RARG: variants seen among roughly 807,000 people sequenced by gnomAD.
RARG encodes the protein retinoic acid receptor gamma.
A neutral mutation model predicts 43.7 loss-of-function variants in RARG; 17 were observed. The ratio of observed to expected loss-of-function variants is 0.39; its 90% CI spans 0.27 to 0.58. RARG has a LOEUF of 0.58. Among genes scored for constraint, RARG ranks in the 20% least tolerant of loss-of-function variants. The probability of loss-of-function intolerance (pLI) is 0.57; values close to 1 mark genes in which losing one functional copy is unlikely to be tolerated. For synonymous variants in RARG, 238 were observed against 236.4 expected, an observed-to-expected ratio of 1.01 and a Z score of -0.06; for missense variants, 346 against 598.7, an observed-to-expected ratio of 0.58 and a Z score of 4.40.
At position 53,213,602 on chromosome 12, in the gene RARG, G is replaced by A. The variant is rs747235920; in HGVS notation, c.912C>T (p.Phe304=). 40 of 1,613,988 alleles carry A rather than the reference G, an allele frequency of 2.5e-5. No individual in the cohort carries two copies. Among genetic ancestry groups the A allele is most frequent in the Middle Eastern group, 1.6e-4 (1 of 6,084 alleles). ...LNRTQMHNAG[F]GPLTDLVFAF... The stretch of plus-strand genomic sequence containing the variant: ...CAAAGACAAGGTCTGTGAGGGGCCC[G>A]AAGCCGGCATTGTGCATCTGGGTCC... Residue 304 remains phenylalanine, a synonymous_variant, in exon 8 of 10, where the codon TTC becomes TTT. Transcript: ENST00000425354. This position sits in a 1 kb window ranked among gnomAD's most constrained non-coding sequence, Gnocchi z 4.7.
At position 53,231,991 on chromosome 12, in the gene RARG, A is replaced by C. The variant is rs1327442425; in HGVS notation, c.-227T>G. On this transcript the variant is annotated 5_prime_UTR_variant, in exon 1 of 10. Transcript: ENST00000425354. ...TGACTCACCTGGAGTGGGAGGGGGA[A>C]GGGAGGCGGCGGAGCCCCGAGGTCC... 14 of 386,842 alleles carry C rather than the reference A, an allele frequency of 3.6e-5. No individual in the cohort carries two copies. Among genetic ancestry groups the C allele is most frequent in the South Asian group, 1.4e-4 (1 of 7,348 alleles). 24.0% of individuals were successfully genotyped at this position (386,842 alleles called of 1,614,324 possible). A position where few individuals can be genotyped will look rare whatever the true frequency, so the allele number is the denominator to read the frequency against.
chr12:53,220,398 TG>T (rs1565725959), intron 3 of RARG: 5 of 26,192 alleles, frequency 1.9e-4, no homozygotes, highest in Non-Finnish European at 2.6e-4. Flanking sequence ...CCTGGAGGGG[TG>T]GGGGGTGGGG....
chr12:53,212,884 A>C (rs1942643181), intron 9 of RARG, among the ~76,000 whole-genome samples: 6 of 152,102 alleles, frequency 3.9e-5, no homozygotes, highest in Admixed American at 3.9e-4. Context: ...TATTCCCATC[A>C]TTGCAGAAAG....
At position 53,218,447 on chromosome 12, in the gene RARG, C is replaced by A. The variant is rs536916362; in HGVS notation, c.185-2653G>T. Among the ~76,000 whole-genome samples the A allele has an allele frequency of 6.6e-5, 10 of 152,244 alleles. No individual in the cohort carries two copies. In the East Asian group the frequency reaches 1.9e-3, roughly 29 times the overall value. ...CTGAAAGATTCTTTCCATCTCAGCA[C>A]CCCCACAACATATAACATACCCCAA... On this transcript the variant is annotated intron_variant, in intron 3 of 9. Coordinates refer to ENST00000425354, the MANE Select transcript of RARG (RefSeq NM_000966.6).
In RARG at chr12:53,227,332, C is replaced by T. The variant is rs775482390; in HGVS notation, c.184+30G>A. The T allele has an allele frequency of 1.3e-6, 2 of 1,498,176 alleles. No individual in the cohort carries two copies. Among genetic ancestry groups the T allele is most frequent in the Admixed American group, 2.4e-5 (1 of 42,228 alleles). The allele number at this position is 1,498,176 out of a possible 1,614,324, so 92.8% of individuals were successfully genotyped here. A position where few individuals can be genotyped will look rare whatever the true frequency, so the allele number is the denominator to read the frequency against. The stretch of plus-strand genomic sequence containing the variant: ...CCTGATGCCTTCTTGTTAACATTTG[C>T]CTTCATTCCCCAAGATCCCTGAGAC... On this transcript the variant is annotated intron_variant, in intron 3 of 9. Transcript: ENST00000425354. The surrounding 1 kb of genome is among the most constrained non-coding windows in gnomAD (Gnocchi z 4.3).
Position 53,215,764 on chromosome 12 carries a change from T to G in RARG, c.215A>C (p.Glu72Ala). 2 of 1,611,744 alleles carry G rather than the reference T, an allele frequency of 1.2e-6. No individual in the cohort carries two copies. The highest frequency in any genetic ancestry group is 1.7e-6 in the Non-Finnish European group (2 of 1,179,148). Residue 72 changes from glutamate (E) to alanine (A), a missense_variant, in exon 4 of 10, where the codon GAG becomes GCG. Around this residue, in one of 8 missense-constraint regions of RARG, gnomAD observed 90 missense variants for 93.2 expected, o/e 0.97. Coordinates refer to ENST00000425354, the MANE Select transcript of RARG (RefSeq NM_000966.6). This position sits in a 1 kb window ranked among gnomAD's most constrained non-coding sequence, Gnocchi z 6.4. ...GGGCGAGGGCGAGCTGGGCACCATCTCCTCTGAGCTGGTGCTCTGTGTCTC... is the reference window on the plus strand; with the variant it reads ...GGGCGAGGGCGAGCTGGGCACCATCGCCTCTGAGCTGGTGCTCTGTGTCTC... ...SVETQSTSSE[E>A]MVPSSPSPPP...
intron 9 of RARG, 99 bp downstream of exon 9, chr12:53,212,986 T>TCGC: frequency 7.2e-7 from 1 of 1,381,930 alleles, no homozygotes; most frequent in Non-Finnish European, 9.8e-7. Context: ...ATTGCCTGGT[T>TCGC]CTCAACTACT....
chr12:53,215,919 A>G lies in RARG; in HGVS notation c.185-125T>C. 9.7e-7 allele frequency: 1 copy of G among 1,035,178 alleles called. No homozygotes were observed. The highest frequency in any genetic ancestry group is 1.4e-6 in the Non-Finnish European group (1 of 735,140). 64.1% of individuals were successfully genotyped at this position (1,035,178 alleles called of 1,614,324 possible). On this transcript the variant is annotated intron_variant, in intron 3 of 9. Transcript: ENST00000425354. The surrounding 1 kb of genome is among the most constrained non-coding windows in gnomAD (Gnocchi z 6.4). Reference sequence around the variant, plus strand: ...CACTGGTGACAGCCATCACTACCACAGTGCACTAGTTCCAGCAGTAAGCAC... The same window carrying G: ...CACTGGTGACAGCCATCACTACCACGGTGCACTAGTTCCAGCAGTAAGCAC...
chr12:53,213,491 C>A lies in RARG; in HGVS notation c.1018+5G>T. 1 of 1,612,760 alleles carries A rather than the reference C, an allele frequency of 6.2e-7. No individual in the cohort carries two copies. The highest frequency in any genetic ancestry group is 8.5e-7 in the Non-Finnish European group (1 of 1,179,932). ...CTGAGCAGACGCCAGGGGGCGCCCC[C>A]GCACCTCCGCAGATGAGGCAGATGG... On this transcript the variant is annotated splice_donor_5th_base_variant and intron_variant, in intron 8 of 9. Coordinates refer to ENST00000425354, the MANE Select transcript of RARG (RefSeq NM_000966.6). This position sits in a 1 kb window ranked among gnomAD's most constrained non-coding sequence, Gnocchi z 4.7.
rs778113500 is a variant in RARG, at chr12:53,222,231, G to GAA, written c.184+5130_184+5131insTT. On this transcript the variant is annotated intron_variant, in intron 3 of 9. Coordinates refer to ENST00000425354, the MANE Select transcript of RARG (RefSeq NM_000966.6). ...ACCCCACAAAAAAAAGAAAGAAAGA[G>GAA]AGAGAAAGAAAAGAAAGAGAAAGAA... Among the ~76,000 whole-genome samples, 252 of 93,236 alleles carry GAA rather than the reference G, an allele frequency of 2.7e-3. 3 individuals are homozygous for GAA. In the East Asian group the frequency reaches 0.041, roughly 15 times the overall value. 61.2% of individuals were successfully genotyped at this position (93,236 alleles called of 152,430 possible). A position where few individuals can be genotyped will look rare whatever the true frequency, so the allele number is the denominator to read the frequency against.
intron 3 of RARG, among the ~76,000 whole-genome samples, chr12:53,221,217 C>T (rs1471260933): frequency 6.6e-6 from 1 of 151,872 alleles, no homozygotes; most frequent in Admixed American, 6.6e-5. Context: ...GCAGTCCGCC[C>T]TCCGCCGCGG....
chr12:53,213,586 G>T lies in RARG; in HGVS notation c.928C>A (p.Leu310Ile). The part of the protein sequence containing the change: ...HNAGFGPLTD[L>I]VFAFAGQLLP... Reference sequence around the variant, plus strand: ...AGCTGCCCAGCAAAGGCAAAGACAAGGTCTGTGAGGGGCCCGAAGCCGGCA... The same window carrying T: ...AGCTGCCCAGCAAAGGCAAAGACAATGTCTGTGAGGGGCCCGAAGCCGGCA... Residue 310 changes from leucine (L) to isoleucine (I), a missense_variant, in exon 8 of 10, where the codon CTT (leucine) becomes ATT (isoleucine). Leu to Ile is a conservative substitution (Grantham distance 5). Transcript: ENST00000425354. This position sits in a 1 kb window ranked among gnomAD's most constrained non-coding sequence, Gnocchi z 4.7. The T allele has an allele frequency of 6.2e-7, 1 of 1,614,204 alleles. No homozygotes were observed. Among genetic ancestry groups the T allele is most frequent in the Non-Finnish European group, 8.5e-7 (1 of 1,180,026 alleles).
chr12:53,217,765 T>C (rs1024523243), intron 3 of RARG, among the ~76,000 whole-genome samples: 9 of 152,186 alleles, frequency 5.9e-5, no homozygotes, highest in Admixed American at 2.0e-4. Flanking sequence ...GGGTGGGCTC[T>C]GGGGTTTTCT....
rs750425715 is a variant in RARG, at chr12:53,215,243, C to T, written c.475+50G>A. ...TGGCCAGAGGAAAGAGGGCCACAGC[C>T]ATAGGGTAGGACCGAAGTGCTCCTG... On this transcript the variant is annotated intron_variant, in intron 5 of 9. Transcript: ENST00000425354. The surrounding 1 kb of genome is among the most constrained non-coding windows in gnomAD (Gnocchi z 6.4). 1 of 1,599,160 alleles carries T rather than the reference C, an allele frequency of 6.3e-7. No individual in the cohort carries two copies. Among genetic ancestry groups the T allele is most frequent in the Non-Finnish European group, 8.5e-7 (1 of 1,172,070 alleles).
intron 2 of RARG, among the ~76,000 whole-genome samples, chr12:53,228,992 G>A (rs1033014111): frequency 2.0e-5 from 3 of 152,140 alleles, no homozygotes; most frequent in Non-Finnish European, 4.4e-5. Context: ...CCCAGGGGAA[G>A]GGGAGGAGAA....
Position 53,227,656 on chromosome 12 carries a change from TGCCTG to T in RARG, c.-116_-112del, listed in dbSNP as rs1465569722. On this transcript the variant is annotated 5_prime_UTR_variant, in exon 3 of 10. Transcript: ENST00000425354. The surrounding 1 kb of genome is among the most constrained non-coding windows in gnomAD (Gnocchi z 4.3). The stretch of plus-strand genomic sequence containing the variant: ...AGCCTGGGAGGCTCCGTACCCGCCC[TGCCTG>T]GCCTGCCCACTGGGCCTCCAAAAGT... The T allele has an allele frequency of 7.5e-7, 1 of 1,341,534 alleles. No individual in the cohort carries two copies. Among genetic ancestry groups the T allele is most frequent in the Non-Finnish European group, 9.5e-7 (1 of 1,047,294 alleles). The allele number at this position is 1,341,534 out of a possible 1,614,324, so 83.1% of individuals were successfully genotyped here. A position where few individuals can be genotyped will look rare whatever the true frequency, so the allele number is the denominator to read the frequency against.
At chr12:53,223,616 G>C (rs1216466176) in intron 3 of RARG, among the ~76,000 whole-genome samples, 1 of 152,022 alleles carries the variant, frequency 6.6e-6, no homozygotes, top group East Asian at 1.9e-4. Context: ...GAGAGACCGG[G>C]GAGGGGAGGG....
Position 53,211,462 on chromosome 12 carries a change from A to C in RARG, c.*214T>G, listed in dbSNP as rs1942584619. 2 of 433,638 alleles carry C rather than the reference A, an allele frequency of 4.6e-6. No individual in the cohort carries two copies. The highest frequency in any genetic ancestry group is 8.8e-5 in the Admixed American group (2 of 22,640). The allele number at this position is 433,638 out of a possible 1,614,324, so 26.9% of individuals were successfully genotyped here. The stretch of plus-strand genomic sequence containing the variant: ...CTTTGCCCTCTCTCCTGGTGGGAGC[A>C]GGGCAGGCCCCCGGGACTGGCGAGG... On this transcript the variant is annotated 3_prime_UTR_variant, in exon 10 of 10. Coordinates refer to ENST00000425354, the MANE Select transcript of RARG (RefSeq NM_000966.6). This position sits in a 1 kb window ranked among gnomAD's most constrained non-coding sequence, Gnocchi z 4.6.
At chr12:53,223,574 T>TCGGCCTGGAGCTGGAGCCTGTGC (rs1344345643) in intron 3 of RARG, among the ~76,000 whole-genome samples, 3 of 141,994 alleles carry the variant, frequency 2.1e-5, no homozygotes, top group Admixed American at 7.0e-5. Context: ...CCCGTTTGTG[T>TCGGCCTGGAGCTGGAGCCTGTGC]CGGCCTGGAG....
Sources: gnomAD v4.1 joint callset for allele counts (sites outside exome capture counted in the v4.1 genomes callset) on GRCh38, gnomAD v4.1.1 for gene constraint, gnomAD v4.1.1 regional missense constraint, Gnocchi (gnomAD v3.1) non-coding constraint, MANE v1.5 for transcripts, NCBI Gene and HGNC (gene_info 2026-07-23, HGNC 2026-07-21) for gene names.